PHF14: variants seen among roughly 807,000 people sequenced by gnomAD.
PHF14 encodes PHD finger protein 14.
PHF14 carries 55 observed loss-of-function variants against 117.9 expected under a neutral mutation model. That is an observed-to-expected ratio of 0.47 (90% CI 0.38 to 0.58). The LOEUF is 0.58. PHF14 is among the 20% of genes least tolerant of loss of function. The pLI is 0.00. For missense variants in PHF14, 978 were observed against 1,122.2 expected (o/e 0.87, Z 1.84); for synonymous variants, 409 against 368.6 (o/e 1.11, Z -1.26).
chr7:11,129,369 T>C (rs774791809), intron 17 of PHF14, among the ~76,000 whole-genome samples: 1 of 152,052 alleles, frequency 6.6e-6, no homozygotes, highest in Non-Finnish European at 1.5e-5. Flanking sequence ...TATTTTCTTA[T>C]GTAGTTCACT....
At chr7:11,044,164 C>T (rs1443010188) in intron 13 of PHF14, among the ~76,000 whole-genome samples, 3 of 151,988 alleles carry the variant, frequency 2.0e-5, no homozygotes, top group Non-Finnish European at 4.4e-5. Context: ...ATGGGGCCTA[C>T]TAGAATGGGG....
chr7:11,052,964 A>G (rs967752835), intron 14 of PHF14, among the ~76,000 whole-genome samples: 2 of 152,138 alleles, frequency 1.3e-5, no homozygotes, highest in African/African-American at 2.4e-5. Flanking sequence ...CTATTACATC[A>G]GGAGTGTAAA....
At position 11,000,426 on chromosome 7, in the gene PHF14, G is replaced by T. The variant is rs539132760; in HGVS notation, c.1045+9579G>T. Among the ~76,000 whole-genome samples, 3 of 131,830 alleles carry T rather than the reference G, an allele frequency of 2.3e-5. No individual in the cohort carries two copies. The East Asian group carries it at 6.9e-4, about 30-fold the overall frequency. 86.5% of individuals were successfully genotyped at this position (131,830 alleles called of 152,430 possible). ...GGGATCTTGGCTCACTGCAACCTCT[G>T]TCTCCCAGGTTCCTGCGATTCTCGT... On this transcript the variant is annotated intron_variant, in intron 4 of 17. Coordinates refer to ENST00000634607, the MANE Select transcript of PHF14 (RefSeq NM_001007157.2).
chr7:11,022,614 G>A (rs1054499063), intron 5 of PHF14, among the ~76,000 whole-genome samples: 1 of 152,140 alleles, frequency 6.6e-6, no homozygotes, highest in Non-Finnish European at 1.5e-5. Flanking sequence ...TAAGTGAAAG[G>A]CAATTATAGT....
intron 16 of PHF14, among the ~76,000 whole-genome samples, chr7:11,065,721 G>A (rs529717936): frequency 2.0e-5 from 3 of 152,088 alleles, no homozygotes; most frequent in Non-Finnish European, 4.4e-5. Context: ...AAGGAAGTGG[G>A]CCTGTCTTTC....
chr7:11,012,042 T>G (rs1396697213), intron 4 of PHF14, among the ~76,000 whole-genome samples: 3 of 152,202 alleles, frequency 2.0e-5, no homozygotes, highest in African/African-American at 2.4e-5. Context: ...GGATGTGACA[T>G]TGCTTACCAG....
intron 4 of PHF14, among the ~76,000 whole-genome samples, chr7:11,006,026 T>G (rs1562415442): frequency 6.6e-6 from 1 of 152,086 alleles, no homozygotes; most frequent in East Asian, 1.9e-4. Flanking sequence ...TCTCCAGACC[T>G]CATGATCTGC....
chr7:11,014,164 G>A (rs935535784), intron 5 of PHF14, among the ~76,000 whole-genome samples: 6 of 152,032 alleles, frequency 3.9e-5, no homozygotes, highest in South Asian at 2.1e-4. Flanking sequence ...AGGTGGTAAC[G>A]TTTCTCATTT....
chr7:11,113,513 T>C (rs776230127), intron 17 of PHF14, among the ~76,000 whole-genome samples: 2 of 152,164 alleles, frequency 1.3e-5, no homozygotes, highest in Non-Finnish European at 2.9e-5. Context: ...TAAAATATGG[T>C]TTCTAATATT....
At chr7:11,158,166 C>T (rs1228065543) in intron 17 of PHF14, among the ~76,000 whole-genome samples, 1 of 152,014 alleles carries the variant, frequency 6.6e-6, no homozygotes, top group Non-Finnish European at 1.5e-5. Context: ...TTCTCTGGAC[C>T]AAGATTCAAT....
At chr7:11,014,141 C>G (rs1468739973) in intron 5 of PHF14, among the ~76,000 whole-genome samples, 2 of 151,918 alleles carry the variant, frequency 1.3e-5, no homozygotes, top group African/African-American at 2.4e-5. Context: ...AATAATTGAC[C>G]CTATGATGAG....
chr7:11,165,367 G>T (rs115069171), intron 17 of PHF14, among the ~76,000 whole-genome samples: 3 of 152,098 alleles, frequency 2.0e-5, no homozygotes, highest in Non-Finnish European at 4.4e-5. Context: ...TCGTATCAGG[G>T]TGTTAATATA....
In PHF14 at chr7:11,036,651, A is replaced by C; in HGVS notation, c.1836A>C (p.Gln612His). ...TGGATGGAAGGAGAAAACATAAGCA[A>C]CCAGCTCTCACTGCAGATTTTGTGA... ...SSVDGRRKHK[Q>H]PALTADFVNY... The change falls in exon 9 of 18, where the codon CAA becomes CAC. Residue 612 changes from glutamine (Q) to histidine (H), a missense_variant. Coordinates refer to ENST00000634607, the MANE Select transcript of PHF14 (RefSeq NM_001007157.2). 6 of 1,613,864 alleles carry C rather than the reference A, an allele frequency of 3.7e-6. No individual in the cohort carries two copies. The highest frequency in any genetic ancestry group is 5.1e-6 in the Non-Finnish European group (6 of 1,179,800).
rs543747989 is a variant in PHF14 at position 11,112,320 on chromosome 7, T to C, written c.2772+853T>C. 6.6e-5 allele frequency among the ~76,000 whole-genome samples: 10 copies of C among 152,282 alleles called. No homozygotes were observed. In the East Asian group the frequency reaches 1.9e-3, roughly 29 times the overall value. ...TTTTGGTCCTAGAGTGAATTAAAATTGATCATGTAATCAAAAACATTCTTT... is the reference window on the plus strand; with the variant it reads ...TTTTGGTCCTAGAGTGAATTAAAATCGATCATGTAATCAAAAACATTCTTT... On this transcript the variant is annotated intron_variant, in intron 17 of 17. Transcript: ENST00000634607.
chr7:11,018,796 C>T (rs1783621035), intron 5 of PHF14, among the ~76,000 whole-genome samples: 1 of 152,084 alleles, frequency 6.6e-6, no homozygotes, highest in Non-Finnish European at 1.5e-5. Flanking sequence ...ACAGTGGTGA[C>T]AGTGGGCCTG....
At chr7:10,977,771 G>C (rs1359130748) in intron 2 of PHF14, among the ~76,000 whole-genome samples, 1 of 152,070 alleles carries the variant, frequency 6.6e-6, no homozygotes, top group African/African-American at 2.4e-5. Context: ...AGAAATGTTA[G>C]GTTGAACTAT....
intron 14 of PHF14, among the ~76,000 whole-genome samples, chr7:11,056,615 T>C (rs1001396057): frequency 6.6e-6 from 1 of 151,936 alleles, no homozygotes; most frequent in African/African-American, 2.4e-5. Context: ...TCATAATTTG[T>C]TTTTTGTATA....
rs1782748127 is a variant in PHF14 at position 10,998,617 on chromosome 7, G to C, written c.1045+7770G>C. Among the ~76,000 whole-genome samples, 3 of 152,264 alleles carry C rather than the reference G, an allele frequency of 2.0e-5. No homozygotes were observed. In the South Asian group the frequency reaches 6.2e-4, roughly 32 times the overall value. On this transcript the variant is annotated intron_variant, in intron 4 of 17. Transcript: ENST00000634607. ...AATATATGTGTATTTTTCTTCTCCA[G>C]GTGTGGTTCAGATTCCTGGGAGTAG...
chr7:11,043,994 A>G (rs1035992833), intron 13 of PHF14, among the ~76,000 whole-genome samples: 5 of 152,130 alleles, frequency 3.3e-5, no homozygotes, highest in African/African-American at 9.7e-5. Flanking sequence ...GCAGCTAAAA[A>G]AAAACACACA....
Sources: allele counts gnomAD v4.1 joint callset (sites outside exome capture counted in the v4.1 genomes callset), GRCh38; gene constraint gnomAD v4.1.1; transcripts MANE v1.5; gene names NCBI Gene and HGNC (gene_info 2026-07-23, HGNC 2026-07-21).